Variants in FAM193A observed in about 807,000 individuals in gnomAD.
The protein encoded by FAM193A is family with sequence similarity 193 member A, also known as protein FAM193A.
Under a neutral mutation model 126.5 loss-of-function variants are expected in FAM193A, and 22 were observed. The observed-to-expected ratio is 0.17, with a 90% CI of 0.12 to 0.25. FAM193A has a LOEUF of 0.25. Ranked by LOEUF, FAM193A falls within the 10% of genes least tolerant of loss-of-function variation. The probability of loss-of-function intolerance (pLI) is 1.00; values close to 1 mark genes in which losing one functional copy is unlikely to be tolerated. For missense variants in FAM193A, 1,675 were observed against 1,672.8 expected (o/e 1.00, Z -0.02); for synonymous variants, 761 against 646.8 (o/e 1.18, Z -2.68).
chr4:2,669,317 T>C (rs1713519260), intron 12 of FAM193A, among the ~76,000 whole-genome samples: 2 of 152,182 alleles, frequency 1.3e-5, no homozygotes, highest in South Asian at 2.1e-4. Context: ...TATTTTGCCT[T>C]CATTTTAAAA....
At chr4:2,609,862 G>A (rs1741756903) in intron 2 of FAM193A, among the ~76,000 whole-genome samples, 2 of 151,880 alleles carry the variant, frequency 1.3e-5, no homozygotes, top group Admixed American at 6.6e-5. Flanking sequence ...CCGGGAGGCT[G>A]AGGTTTCAGT....
chr4:2,659,727 G>A, intron 9 of FAM193A, 57 bp downstream of exon 9: 2 of 1,612,384 alleles, frequency 1.2e-6, no homozygotes, highest in African/African-American at 1.3e-5. Context: ...ACTGGGCTGA[G>A]TGGAGGCCTA....
chr4:2,563,534 A>AT (rs1036450111), intron 1 of FAM193A, among the ~76,000 whole-genome samples: 1 of 150,438 alleles, frequency 6.6e-6, no homozygotes, highest in African/African-American at 2.4e-5. Flanking sequence ...ACAAAAAAAA[A>AT]CAAAAAAAAA....
chr4:2,690,888 G>A lies in FAM193A; in HGVS notation c.2721G>A (p.Thr907=), dbSNP rs765066398. 4.3e-6 allele frequency: 7 copies of A among 1,614,022 alleles called. No homozygotes were observed. In the African/African-American group the frequency reaches 5.3e-5, roughly 12 times the overall value. ...TTGTCATGGCCACGTCATCAGCCAC[G>A]TCCTCTGTGTCCTGCACAGCTACCA... ...NKVVMATSSA[T]SSVSCTATTV... is the part of the protein sequence containing the mutation. Residue 907 remains threonine (T), a synonymous_variant, in exon 15 of 21, where the codon ACG becomes ACA. Coordinates refer to ENST00000637812, the MANE Select transcript of FAM193A (RefSeq NM_001366318.2).
chr4:2,714,904 C>G (rs1719377442), intron 19 of FAM193A, among the ~76,000 whole-genome samples: 1 of 152,086 alleles, frequency 6.6e-6, no homozygotes, highest in Admixed American at 6.6e-5. Flanking sequence ...GTGCACTGCA[C>G]CCCCCCAACC....
chr4:2,588,116 T>C lies in FAM193A; in HGVS notation c.256-7968T>C, dbSNP rs186241290. ...CAGTCTGTGAATACCCATCTTCCTTTATACTCCTCAGCACAGAGTCCATGT... is the reference window on the plus strand; with the variant it reads ...CAGTCTGTGAATACCCATCTTCCTTCATACTCCTCAGCACAGAGTCCATGT... On this transcript the variant is annotated intron_variant, in intron 1 of 20. Coordinates refer to ENST00000637812, the MANE Select transcript of FAM193A (RefSeq NM_001366318.2). Among the ~76,000 whole-genome samples, 187 of 152,290 alleles carry C rather than the reference T, an allele frequency of 1.2e-3. 1 individual carries two copies. The highest frequency in any genetic ancestry group is 4.4e-3 in the African/African-American group (181 of 41,576).
intron 7 of FAM193A, among the ~76,000 whole-genome samples, chr4:2,656,345 A>T (rs987895752): frequency 2.0e-5 from 3 of 152,204 alleles, no homozygotes; most frequent in Non-Finnish European, 4.4e-5. Flanking sequence ...CATTTATATG[A>T]CATTTATTAG....
In FAM193A at chr4:2,732,038, C is replaced by G. The variant is rs533948633; in HGVS notation, c.*170C>G. 3.1e-6 allele frequency: 2 copies of G among 645,340 alleles called. No homozygotes were observed. The highest frequency in any genetic ancestry group is 5.6e-6 in the Non-Finnish European group (2 of 357,382). 40.0% of individuals were successfully genotyped at this position (645,340 alleles called of 1,614,324 possible). A position where few individuals can be genotyped will look rare whatever the true frequency, so the allele number is the denominator to read the frequency against. Reference sequence around the variant, plus strand: ...GTTGATGCTCGGCCCACGCCGTTAGCTCGTGTGCGTGTAGTCTGTGCGTGA... The same window carrying G: ...GTTGATGCTCGGCCCACGCCGTTAGGTCGTGTGCGTGTAGTCTGTGCGTGA... On this transcript the variant is annotated 3_prime_UTR_variant, in exon 21 of 21. Coordinates refer to ENST00000637812, the MANE Select transcript of FAM193A (RefSeq NM_001366318.2).
chr4:2,722,539 G>A (rs983654925), intron 20 of FAM193A, among the ~76,000 whole-genome samples: 1 of 152,182 alleles, frequency 6.6e-6, no homozygotes, highest in Non-Finnish European at 1.5e-5. Context: ...ATTAGTGATT[G>A]TCAGAGTTAG....
At chr4:2,699,612 G>C in intron 18 of FAM193A, 68 bp from the exon 19 acceptor site, 1 of 1,476,222 alleles carries the variant, frequency 6.8e-7, no homozygotes, top group Non-Finnish European at 9.1e-7. Flanking sequence ...AATTATCTTA[G>C]TTTTTCTGTA....
intron 2 of FAM193A, among the ~76,000 whole-genome samples, chr4:2,602,190 G>C (rs1213654584): frequency 2.0e-5 from 3 of 150,992 alleles, no homozygotes; most frequent in Non-Finnish European, 4.4e-5. Flanking sequence ...TATTTGATTG[G>C]TTGATGCTAT....
chr4:2,715,871 C>T, intron 19 of FAM193A, 152 bp from the exon 20 acceptor site: 2 of 634,260 alleles, frequency 3.2e-6, no homozygotes. Flanking sequence ...CATAAGCACA[C>T]CAAAGAGATC....
chr4:2,638,124 G>C (rs759589067), intron 5 of FAM193A, among the ~76,000 whole-genome samples: 20 of 152,220 alleles, frequency 1.3e-4, no homozygotes, highest in Non-Finnish European at 2.8e-4. Flanking sequence ...AGCTCTTCCA[G>C]GAGGCCCCTC....
chr4:2,588,871 C>A (rs746282966), intron 1 of FAM193A, among the ~76,000 whole-genome samples: 3 of 152,060 alleles, frequency 2.0e-5, no homozygotes, highest in Non-Finnish European at 4.4e-5. Flanking sequence ...TTTTATTTGA[C>A]CTTAGTAGAT....
intron 15 of FAM193A, among the ~76,000 whole-genome samples, chr4:2,691,789 A>AG (rs11435563): frequency 1.3e-5 from 2 of 151,264 alleles, no homozygotes; most frequent in Non-Finnish European, 3.0e-5. Context: ...AAAAAAAAAA[A>AG]GTTAAAAAAA....
intron 15 of FAM193A, among the ~76,000 whole-genome samples, chr4:2,693,047 G>A (rs1236757186): frequency 6.7e-6 from 1 of 150,146 alleles, no homozygotes; most frequent in African/African-American, 2.5e-5. Flanking sequence ...TTAGAAAAAG[G>A]TGATTTTTTT....
chr4:2,679,204 A>G lies in FAM193A; in HGVS notation c.2331+6832A>G, dbSNP rs1372667113. Among the ~76,000 whole-genome samples the G allele has an allele frequency of 2.0e-5, 3 of 152,234 alleles. No homozygotes were observed. In the East Asian group the frequency reaches 5.8e-4, roughly 29 times the overall value. ...TTTTTCCAGTCTGTTAATGTGGCATATTAACATTGATTACTTTTTATACAT... is the reference window on the plus strand; with the variant it reads ...TTTTTCCAGTCTGTTAATGTGGCATGTTAACATTGATTACTTTTTATACAT... On this transcript the variant is annotated intron_variant, in intron 13 of 20. Transcript: ENST00000637812.
intron 2 of FAM193A, among the ~76,000 whole-genome samples, chr4:2,602,031 G>T (rs1741228675): frequency 6.6e-6 from 1 of 151,940 alleles, no homozygotes; most frequent in South Asian, 2.1e-4. Flanking sequence ...TAGAGACAGA[G>T]TTTTGCCATG....
intron 1 of FAM193A, among the ~76,000 whole-genome samples, chr4:2,572,475 T>C (rs1274405777): frequency 6.6e-6 from 1 of 152,132 alleles, no homozygotes; most frequent in African/African-American, 2.4e-5. Context: ...ACTTGGGCGT[T>C]CTCCAGTCTT....
Sources: allele counts gnomAD v4.1 joint callset (sites outside exome capture counted in the v4.1 genomes callset), GRCh38; gene constraint gnomAD v4.1.1; transcripts MANE v1.5; gene names NCBI Gene and HGNC (gene_info 2026-07-23, HGNC 2026-07-21).